SLC25A41: variants seen among roughly 807,000 people sequenced by gnomAD.
SLC25A41 encodes the protein solute carrier family 25 member 41.
Under a neutral mutation model 34.7 loss-of-function variants are expected in SLC25A41, and 35 were observed. That is an observed-to-expected ratio of 1.01 (90% CI 0.77 to 1.34). The LOEUF is 1.34. SLC25A41 is among the 40% of genes most tolerant of loss of function. The pLI is 0.00. For missense variants in SLC25A41, 492 were observed against 489.8 expected, an observed-to-expected ratio of 1.00 and a Z score of -0.04; for synonymous variants, 190 against 209.9, an observed-to-expected ratio of 0.91 and a Z score of 0.82.
At chr19:6,429,981 TG>T in intron 3 of SLC25A41, 27 bp downstream of exon 3, 3 of 1,607,432 alleles carry the variant, frequency 1.9e-6, no homozygotes, top group Non-Finnish European at 2.5e-6. Context: ...GGGCTTGAGC[TG>T]GGGGAAGCAG....
Position 6,429,994 on chromosome 19 carries a change from C to G in SLC25A41, c.516+15G>C. ...TTGGGCTTGAGCTGGGGGAAGCAGG[C>G]CCCTCATTCCCCACCTGCTCGAATA... On this transcript the variant is annotated intron_variant, in intron 3 of 6. Coordinates refer to ENST00000321510, the MANE Select transcript of SLC25A41 (RefSeq NM_173637.4). The G allele has an allele frequency of 6.2e-7, 1 of 1,609,644 alleles. No homozygotes were observed. The highest frequency in any genetic ancestry group is 1.1e-5 in the South Asian group (1 of 90,414).
chr19:6,433,630 C>A lies in SLC25A41; in HGVS notation c.64G>T (p.Val22Phe). 1 of 1,608,476 alleles carries A rather than the reference C, an allele frequency of 6.2e-7. No individual in the cohort carries two copies. The highest frequency in any genetic ancestry group is 8.5e-7 in the Non-Finnish European group (1 of 1,176,634). ...CSRIQTLFRR[V>F]KTLLIKAPPP... is the part of the protein sequence containing the mutation. Reference sequence around the variant, plus strand: ...GGGGCTTTGATGAGTAAGGTCTTGACCCTCCTAAACAGTGTCTGGATCCTA... The same window carrying A: ...GGGGCTTTGATGAGTAAGGTCTTGAACCTCCTAAACAGTGTCTGGATCCTA... The change falls in exon 1 of 7, where the codon GTC (valine) becomes TTC (phenylalanine). Residue 22 changes from valine (V) to phenylalanine (F), a missense_variant. Val to Phe is a conservative substitution (Grantham distance 50). Coordinates refer to ENST00000321510, the MANE Select transcript of SLC25A41 (RefSeq NM_173637.4).
chr19:6,429,356 G>C (rs1415272468), intron 4 of SLC25A41, among the ~76,000 whole-genome samples: 1 of 53,546 alleles, frequency 1.9e-5, no homozygotes, highest in Non-Finnish European at 3.7e-5. Flanking sequence ...GGAGAGGAGG[G>C]AGAAAGGAGG....
chr19:6,435,609 C>T (rs925572034), upstream of SLC25A41, among the ~76,000 whole-genome samples: 1 of 152,140 alleles, frequency 6.6e-6, no homozygotes, highest in Non-Finnish European at 1.5e-5. Context: ...GTAATCCCAG[C>T]TACTCAGGAG....
At chr19:6,432,589 G>GTTTTGT (rs1268720008) in intron 1 of SLC25A41, among the ~76,000 whole-genome samples, 1 of 118,868 alleles carries the variant, frequency 8.4e-6, no homozygotes, top group Non-Finnish European at 1.7e-5. Flanking sequence ...GTTTTTTTTT[G>GTTTTGT]TTTTGTTTTT....
rs772862239 is a variant in SLC25A41, at chr19:6,432,088, C to T, written c.324G>A (p.Thr108=). The T allele has an allele frequency of 7.8e-5, 126 of 1,613,692 alleles. 1 individual carries two copies. The South Asian group carries it at 1.0e-3, about 13-fold the overall frequency. The change falls in exon 2 of 7, where the codon ACG becomes ACA. Residue 108 remains threonine, a synonymous_variant. Coordinates refer to ENST00000321510, the MANE Select transcript of SLC25A41 (RefSeq NM_173637.4). The stretch of plus-strand genomic sequence containing the variant: ...TGGCTCTGTCCAGAGGTGCCGTGCC[C>T]GTGCGAGACACCGCCCCGGCCATAG... ...SGAMAGAVSR[T]GTAPLDRAKV... is the part of the protein sequence containing the mutation.
intron 6 of SLC25A41, 141 bp from the exon 7 acceptor site, chr19:6,426,702 A>G (rs928823346): frequency 4.8e-6 from 4 of 838,522 alleles, no homozygotes. Context: ...GTCTTAGAGG[A>G]AATTGGTCAG....
rs530972985 is a variant in SLC25A41, at chr19:6,432,025, G to T, written c.363+24C>A. On this transcript the variant is annotated intron_variant, in intron 2 of 6. Transcript: ENST00000321510. The stretch of plus-strand genomic sequence containing the variant: ...CCCAGTGGCTCCAGCGCTGGGTCCC[G>T]TCCTCCCCCCAACCCACACAAACCT... The T allele has an allele frequency of 9.4e-6, 15 of 1,597,674 alleles. No individual in the cohort carries two copies. In the South Asian group the frequency reaches 1.6e-4, roughly 17 times the overall value.
chr19:6,434,013 G>A (rs1018520037), upstream of SLC25A41, among the ~76,000 whole-genome samples: 9 of 152,210 alleles, frequency 5.9e-5, no homozygotes, highest in African/African-American at 2.4e-5. Context: ...GCGCTATCTT[G>A]GCTCACTGCA....
chr19:6,432,653 C>G (rs544634425), intron 1 of SLC25A41, among the ~76,000 whole-genome samples: 3 of 150,272 alleles, frequency 2.0e-5, no homozygotes, highest in Admixed American at 1.3e-4. Context: ...TACAGTGGTG[C>G]GATCTTGGCT....
At chr19:6,429,153 A>T (rs181683832) in intron 4 of SLC25A41, among the ~76,000 whole-genome samples, 1 of 29,442 alleles carries the variant, frequency 3.4e-5, no homozygotes, top group African/African-American at 1.8e-4. Context: ...TAATATATAT[A>T]TTATATATAT....
chr19:6,426,368 C>G lies in SLC25A41; in HGVS notation c.*21G>C, dbSNP rs755248225. ...TCCTCCTGTCCCATTTCTGCCTAGG[C>G]TGTGTCGTCCAGCTCACAGCCTATA... On this transcript the variant is annotated 3_prime_UTR_variant, in exon 7 of 7. Transcript: ENST00000321510. 3.7e-6 allele frequency: 6 copies of G among 1,605,264 alleles called. No individual in the cohort carries two copies. In the Admixed American group the frequency reaches 5.0e-5, roughly 13 times the overall value.
intron 4 of SLC25A41, among the ~76,000 whole-genome samples, chr19:6,428,168 G>C (rs1411205102): frequency 6.6e-6 from 1 of 152,062 alleles, no homozygotes; most frequent in Non-Finnish European, 1.5e-5. Context: ...TGTAATCCCA[G>C]CACTTTGGGA....
intron 1 of SLC25A41, 114 bp downstream of exon 1, chr19:6,433,373 G>T: frequency 9.3e-7 from 1 of 1,079,484 alleles, no homozygotes; most frequent in Non-Finnish European, 1.4e-6. Context: ...CTGCTTCAAG[G>T]TGGAATTCTA....
Position 6,426,221 on chromosome 19 carries a change from G to C in SLC25A41, c.*168C>G. On this transcript the variant is annotated 3_prime_UTR_variant, in exon 7 of 7. Transcript: ENST00000321510. Reference sequence around the variant, plus strand: ...CCCCCTCCACCCACCACCAACCCCAGCTTCAGGAATCTTCTGACCCAGAGC... The same window carrying C: ...CCCCCTCCACCCACCACCAACCCCACCTTCAGGAATCTTCTGACCCAGAGC... The C allele has an allele frequency of 1.7e-6, 1 of 595,612 alleles. No individual in the cohort carries two copies. The highest frequency in any genetic ancestry group is 2.7e-5 in the South Asian group (1 of 37,682). 36.9% of individuals were successfully genotyped at this position (595,612 alleles called of 1,614,324 possible).
intron 4 of SLC25A41, 139 bp downstream of exon 4, chr19:6,429,585 G>C: frequency 1.7e-6 from 1 of 576,402 alleles, no homozygotes; most frequent in South Asian, 2.3e-5. Flanking sequence ...AGGAAGAGGT[G>C]AACGGGGAGG....
At chr19:6,434,317 G>C (rs142197184), upstream of SLC25A41, among the ~76,000 whole-genome samples, 174 of 152,210 alleles carry the variant, frequency 1.1e-3, 3 homozygotes, top group Middle Eastern at 0.01. Flanking sequence ...AGGTCCTCAG[G>C]GTTAGATGAA....
In SLC25A41 at chr19:6,427,808, G is replaced by A. The variant is rs116283160; in HGVS notation, c.625-307C>T. Among the ~76,000 whole-genome samples the A allele has an allele frequency of 3.9e-4, 59 of 152,238 alleles. 1 individual carries two copies. The highest frequency in any genetic ancestry group is 1.3e-3 in the African/African-American group (54 of 41,528). ...TCGAGACCAGCCTGGGCAACATAGC[G>A]AGACCCCATCTTTACAAAAAAATCA... On this transcript the variant is annotated intron_variant, in intron 4 of 6. Transcript: ENST00000321510. This position sits in a 1 kb window ranked among gnomAD's most constrained non-coding sequence, Gnocchi z 4.9.
chr19:6,427,156 C>T lies in SLC25A41; in HGVS notation c.887G>A (p.Gly296Asp), dbSNP rs1274141336. 6.2e-7 allele frequency: 1 copy of T among 1,610,826 alleles called. No homozygotes were observed. The highest frequency in any genetic ancestry group is 8.5e-7 in the Non-Finnish European group (1 of 1,179,072). Residue 296 changes from glycine to aspartate, a missense_variant, in exon 6 of 7, where the codon GGC becomes GAC. Physicochemically the swap from Gly to Asp is moderately conservative, Grantham distance 94. Transcript: ENST00000321510. The surrounding 1 kb of genome is among the most constrained non-coding windows in gnomAD (Gnocchi z 4.9). ...AGTCAGTGGGTAGCTGGCCATCTGGCCACAGGTCGTGGATAGCGTCACAGA... is the reference window on the plus strand; with the variant it reads ...AGTCAGTGGGTAGCTGGCCATCTGGTCACAGGTCGTGGATAGCGTCACAGA... ...LSSVTLSTTC[G>D]QMASYPLTLV...
Sources: gnomAD v4.1 joint callset for allele counts (sites outside exome capture counted in the v4.1 genomes callset) on GRCh38, gnomAD v4.1.1 for gene constraint, Gnocchi (gnomAD v3.1) non-coding constraint, MANE v1.5 for transcripts, NCBI Gene and HGNC (gene_info 2026-07-23, HGNC 2026-07-21) for gene names.